The following TTC6 variants were observed in gnomAD, a reference collection of about 807,000 sequenced individuals.
The protein encoded by TTC6 is tetratricopeptide repeat protein 6.
A neutral mutation model predicts 210.4 loss-of-function variants in TTC6; 172 were observed. That is an observed-to-expected ratio of 0.82 (90% CI 0.72 to 0.93). TTC6 has a LOEUF of 0.93. Ranked by LOEUF, TTC6 falls within the 40% of genes least tolerant of loss-of-function variation. The pLI is 0.00. For synonymous variants in TTC6, 804 were observed against 819.6 expected (o/e 0.98, Z 0.32); for missense variants, 2,414 against 2,318.1 (o/e 1.04, Z -0.85).
At chr14:37,789,618 T>TA (rs57518932) in intron 15 of TTC6, among the ~76,000 whole-genome samples, 19,472 of 105,966 alleles carry the variant, frequency 0.18, 1,462 homozygotes, top group East Asian at 0.42. Context: ...ATATATATAT[T>TA]GTATATACTC....
At chr14:37,768,121 C>T (rs61977130) in intron 14 of TTC6, among the ~76,000 whole-genome samples, 37,517 of 149,050 alleles carry the variant, frequency 0.25, 4,693 homozygotes, top group Non-Finnish European at 0.28. Flanking sequence ...AGATATGCGG[C>T]GTTATTTCTG....
chr14:37,745,345 G>A (rs2095932769), intron 10 of TTC6, among the ~76,000 whole-genome samples: 1 of 152,160 alleles, frequency 6.6e-6, no homozygotes, highest in Non-Finnish European at 1.5e-5. Flanking sequence ...GTAAAATGGA[G>A]ATATGGTGGG....
chr14:37,622,212 C>G, exon 1 of TTC6: 2 of 1,535,604 alleles, frequency 1.3e-6, no homozygotes, highest in Non-Finnish European at 8.7e-7. Flanking sequence ...AGATGAAAGC[C>G]CAGTCCACAG....
chr14:37,737,730 T>C (rs2095905616), exon 9 of TTC6: 2 of 1,489,120 alleles, frequency 1.3e-6, no homozygotes, highest in African/African-American at 2.8e-5. Flanking sequence ...CCTACACAAC[T>C]AAGGGTATTA....
intron 14 of TTC6, among the ~76,000 whole-genome samples, chr14:37,763,477 T>C (rs1022609526): frequency 3.3e-5 from 5 of 152,214 alleles, no homozygotes; most frequent in African/African-American, 1.2e-4. Flanking sequence ...ATTCAATTTC[T>C]TCGCTTGATA....
chr14:37,842,253 C>G, exon 31 of TTC6: 1 of 1,607,578 alleles, frequency 6.2e-7, no homozygotes, highest in South Asian at 1.1e-5. Flanking sequence ...TGACTATAAC[C>G]AAGCACTTGA....
At chr14:37,602,978 C>T (rs1748839710) in intron 1 of TTC6, among the ~76,000 whole-genome samples, 1 of 152,138 alleles carries the variant, frequency 6.6e-6, no homozygotes, top group African/African-American at 2.4e-5. Flanking sequence ...ACACCCCCGC[C>T]AAGAGAAGTA....
chr14:37,792,615 T>C (rs1004895611), intron 17 of TTC6, among the ~76,000 whole-genome samples: 1 of 152,170 alleles, frequency 6.6e-6, no homozygotes, highest in Non-Finnish European at 1.5e-5. Context: ...TTTATGTCTT[T>C]CACTTTTGAA....
chr14:37,661,656 C>CT (rs1321449102), intron 1 of TTC6, among the ~76,000 whole-genome samples: 2 of 152,072 alleles, frequency 1.3e-5, no homozygotes, highest in African/African-American at 4.8e-5. Flanking sequence ...TATATGGGCT[C>CT]TTTTTTGGTT....
chr14:37,760,105 T>C (rs2095979642), intron 14 of TTC6, among the ~76,000 whole-genome samples: 1 of 152,234 alleles, frequency 6.6e-6, no homozygotes, highest in Non-Finnish European at 1.5e-5. Context: ...TTTCAGCTTT[T>C]TTGCACTGGT....
chr14:37,826,181 G>A lies in TTC6; in HGVS notation c.4975-14G>A, dbSNP rs373064661. 2.3e-5 allele frequency: 36 copies of A among 1,569,824 alleles called. No homozygotes were observed. The highest frequency in any genetic ancestry group is 3.0e-5 in the Non-Finnish European group (35 of 1,154,412). On this transcript the variant is annotated splice_polypyrimidine_tract_variant and intron_variant, in intron 27 of 30. Coordinates refer to ENST00000553443, the Ensembl canonical transcript of TTC6. ...GAGTATTTCCTACTTCGTGTAATTG[G>A]AAAATTATTTTAGGCCCAAGGAAAA...
chr14:37,723,675 T>TA (rs2095866118), intron 6 of TTC6, among the ~76,000 whole-genome samples: 1 of 152,188 alleles, frequency 6.6e-6, no homozygotes, highest in Admixed American at 6.5e-5. Flanking sequence ...ACCTACTGTA[T>TA]AATGCTATGT....
chr14:37,736,263 CT>C (rs947151276), intron 8 of TTC6, among the ~76,000 whole-genome samples: 42 of 152,084 alleles, frequency 2.8e-4, no homozygotes, highest in African/African-American at 1.0e-3. Context: ...TGGCACGTGC[CT>C]GTATCTCAGC....
chr14:37,745,857 C>T (rs969059068), intron 10 of TTC6, among the ~76,000 whole-genome samples: 1 of 152,152 alleles, frequency 6.6e-6, no homozygotes, highest in Non-Finnish European at 1.5e-5. Flanking sequence ...GGACTTTGCC[C>T]AACCTTCCTG....
At chr14:37,817,613 C>T (rs762635328) in exon 26 of TTC6, 48 of 1,613,840 alleles carry the variant, frequency 3.0e-5, no homozygotes, top group East Asian at 1.1e-4. Flanking sequence ...GCCGGACTAA[C>T]GGGAGCCTTT....
intron 2 of TTC6, among the ~76,000 whole-genome samples, chr14:37,608,757 G>A (rs929433047): frequency 2.0e-5 from 3 of 152,034 alleles, no homozygotes; most frequent in African/African-American, 7.2e-5. Flanking sequence ...ATTCTCTTTG[G>A]AGAACTGTGT....
chr14:37,658,116 T>C (rs1327081527), intron 1 of TTC6, among the ~76,000 whole-genome samples: 1 of 152,168 alleles, frequency 6.6e-6, no homozygotes, highest in African/African-American at 2.4e-5. Flanking sequence ...TTTCCACAAA[T>C]TTTTAATTGA....
intron 1 of TTC6, among the ~76,000 whole-genome samples, chr14:37,600,436 A>G (rs1372990313): frequency 6.6e-6 from 1 of 152,002 alleles, no homozygotes; most frequent in Non-Finnish European, 1.5e-5. Flanking sequence ...TGAAGGGTCG[A>G]CCAGTGTTTA....
exon 30 of TTC6, chr14:37,841,639 A>G (rs2096210384): frequency 5.6e-6 from 9 of 1,605,530 alleles, no homozygotes; most frequent in African/African-American, 1.3e-5. Flanking sequence ...GCTTAAAGCA[A>G]TATGAACTAG....
Sources: gnomAD v4.1 joint callset for allele counts (sites outside exome capture counted in the v4.1 genomes callset) on GRCh38, gnomAD v4.1.1 for gene constraint, MANE v1.5 for transcripts, NCBI Gene and HGNC (gene_info 2026-07-23, HGNC 2026-07-21) for gene names.